The following GABRB1 variants were observed in gnomAD, a reference collection of about 807,000 sequenced individuals.
GABRB1 encodes the protein gamma-aminobutyric acid receptor subunit beta-1.
Under a neutral mutation model 51.6 loss-of-function variants are expected in GABRB1, and 17 were observed. The observed-to-expected ratio is 0.33, with a 90% CI of 0.23 to 0.49. The LOEUF is 0.49. Among genes scored for constraint, GABRB1 ranks in the 20% least tolerant of loss-of-function variants. The pLI, the probability that GABRB1 is intolerant of heterozygous loss-of-function variation, is 0.99. For missense variants in GABRB1, 410 were observed against 600.6 expected, an observed-to-expected ratio of 0.68 and a Z score of 3.32; for synonymous variants, 247 against 218.9, an observed-to-expected ratio of 1.13 and a Z score of -1.14.
chr4:47,393,071 T>C (rs1157620269), intron 5 of GABRB1, among the ~76,000 whole-genome samples: 2 of 152,230 alleles, frequency 1.3e-5, no homozygotes, highest in African/African-American at 2.4e-5. Context: ...GTTTTGCTGG[T>C]GCAGATCATA....
intron 5 of GABRB1, among the ~76,000 whole-genome samples, chr4:47,332,950 G>A (rs1725539721): frequency 6.6e-6 from 1 of 151,332 alleles, no homozygotes; most frequent in Non-Finnish European, 1.5e-5. Flanking sequence ...TCTCTAAAGT[G>A]CATGCCTTGA....
chr4:47,273,633 T>C (rs1322882287), intron 4 of GABRB1, among the ~76,000 whole-genome samples: 1 of 151,968 alleles, frequency 6.6e-6, no homozygotes, highest in African/African-American at 2.4e-5. Context: ...TACTAGGCTG[T>C]GGGATTAAAT....
chr4:47,425,747 C>A lies in GABRB1; in HGVS notation c.1154C>A (p.Thr385Lys). 1 of 1,614,186 alleles carries A rather than the reference C, an allele frequency of 6.2e-7. No individual in the cohort carries two copies. The highest frequency in any genetic ancestry group is 8.5e-7 in the Non-Finnish European group (1 of 1,180,016). The change falls in exon 9 of 9, where the codon ACG becomes AAG. Residue 385 changes from threonine to lysine, a missense_variant. Thr to Lys is a moderately conservative substitution (Grantham distance 78, BLOSUM62 -1). Coordinates refer to ENST00000295454, the MANE Select transcript of GABRB1 (RefSeq NM_000812.4). The part of the protein sequence containing the change: ...RNETSGSEVL[T>K]SVSDPKATMY... ...GAGACGAGTGGCTCGGAAGTGCTCA[C>A]GAGCGTGAGCGACCCCAAGGCCACC...
chr4:47,066,642 A>T (rs2109537627), intron 3 of GABRB1, among the ~76,000 whole-genome samples: 1 of 152,326 alleles, frequency 6.6e-6, no homozygotes, highest in East Asian at 1.9e-4. Context: ...CATCCATCCA[A>T]GTTTTATCAT....
intron 1 of GABRB1, chr4:46,994,120 T>A (rs1320641140): frequency 6.6e-6 from 1 of 152,280 alleles, no homozygotes; most frequent in Non-Finnish European, 1.5e-5. Context: ...AGAAAGATTC[T>A]TCCTGGTAAC....
chr4:47,192,651 T>C (rs563813518), intron 4 of GABRB1, among the ~76,000 whole-genome samples: 23 of 152,272 alleles, frequency 1.5e-4, no homozygotes, highest in Non-Finnish European at 2.5e-4. Context: ...GAATGTGAGA[T>C]TTTGCTCTCC....
intron 4 of GABRB1, among the ~76,000 whole-genome samples, chr4:47,293,144 GGTTT>G (rs1385467226): frequency 4.6e-5 from 7 of 151,942 alleles, no homozygotes; most frequent in African/African-American, 9.7e-5. Context: ...TGTTTTTCTT[GGTTT>G]GTTTGTTTTT....
chr4:47,032,382 G>A (rs1447542849), intron 2 of GABRB1, 35 bp from the exon 3 acceptor site: 4 of 1,548,224 alleles, frequency 2.6e-6, no homozygotes, highest in South Asian at 2.4e-5. Flanking sequence ...GTCACTGAGA[G>A]AATCTGTTCC....
At chr4:47,278,337 C>G (rs902774019) in intron 4 of GABRB1, among the ~76,000 whole-genome samples, 4 of 152,020 alleles carry the variant, frequency 2.6e-5, no homozygotes, top group African/African-American at 9.7e-5. Context: ...ATGGTATTGA[C>G]CAAACACAGA....
chr4:47,094,465 C>T (rs1047543999), intron 3 of GABRB1, among the ~76,000 whole-genome samples: 1 of 151,862 alleles, frequency 6.6e-6, no homozygotes, highest in African/African-American at 2.4e-5. Flanking sequence ...CCTTGTGATC[C>T]ACCCGCCTCG....
chr4:47,249,792 C>T (rs1354446171), intron 4 of GABRB1, among the ~76,000 whole-genome samples: 1 of 152,098 alleles, frequency 6.6e-6, no homozygotes, highest in Non-Finnish European at 1.5e-5. Context: ...CCTTTTTCCA[C>T]CCTTTTACTT....
chr4:47,412,210 AC>A (rs1728781200), intron 8 of GABRB1, among the ~76,000 whole-genome samples: 1 of 152,170 alleles, frequency 6.6e-6, no homozygotes, highest in East Asian at 1.9e-4. Flanking sequence ...CCAATTATAC[AC>A]CCCAGAGCCC....
intron 5 of GABRB1, among the ~76,000 whole-genome samples, chr4:47,324,062 A>C (rs1298462521): frequency 6.6e-6 from 1 of 152,280 alleles, no homozygotes; most frequent in African/African-American, 2.4e-5. Flanking sequence ...GGTAGTGCAG[A>C]TTAAAAAAGA....
chr4:47,135,535 T>C (rs574806708), intron 3 of GABRB1, among the ~76,000 whole-genome samples: 1 of 152,256 alleles, frequency 6.6e-6, no homozygotes, highest in South Asian at 2.1e-4. Context: ...GATACCATTC[T>C]GAAATCTTAT....
intron 5 of GABRB1, among the ~76,000 whole-genome samples, chr4:47,323,171 A>G (rs1459327571): frequency 3.3e-5 from 5 of 152,194 alleles, no homozygotes. Context: ...AATTGCAGCT[A>G]CAGAGAGAAG....
intron 4 of GABRB1, among the ~76,000 whole-genome samples, chr4:47,283,549 C>T (rs1244046549): frequency 4.6e-5 from 7 of 150,848 alleles, no homozygotes; most frequent in Admixed American, 6.6e-5. Context: ...CCACCACGCC[C>T]GGCTAAATTT....
chr4:47,053,926 C>T (rs1049238054), intron 3 of GABRB1, among the ~76,000 whole-genome samples: 5 of 152,126 alleles, frequency 3.3e-5, no homozygotes, highest in South Asian at 4.1e-4. Flanking sequence ...GATTGTTGCA[C>T]GTGCATTGCT....
At chr4:47,393,470 T>G (rs79510102) in intron 5 of GABRB1, among the ~76,000 whole-genome samples, 4,035 of 152,278 alleles carry the variant, frequency 0.026, 195 homozygotes, top group African/African-American at 0.093. Context: ...TACCTACAGC[T>G]CTCCCTACAC....
chr4:47,001,775 T>C (rs1434056658), intron 1 of GABRB1, among the ~76,000 whole-genome samples: 1 of 152,224 alleles, frequency 6.6e-6, no homozygotes, highest in Non-Finnish European at 1.5e-5. Flanking sequence ...GTTCAATTTC[T>C]CTAGAAAATC....
Sources: allele counts gnomAD v4.1 joint callset (sites outside exome capture counted in the v4.1 genomes callset), GRCh38; gene constraint gnomAD v4.1.1; transcripts MANE v1.5; gene names NCBI Gene and HGNC (gene_info 2026-07-23, HGNC 2026-07-21).